DIP2C: variants seen among roughly 807,000 people sequenced by gnomAD.
The protein encoded by DIP2C is disco-interacting protein 2 homolog C.
In DIP2C, 33 loss-of-function variants were observed where a neutral mutation model predicts 192.4. That is an observed-to-expected ratio of 0.17 (90% CI 0.13 to 0.23). The LOEUF (loss-of-function observed/expected upper bound fraction) is 0.23, where lower values mean the gene tolerates loss of function less well. Ranked by LOEUF, DIP2C falls within the 10% of genes least tolerant of loss-of-function variation. The probability of loss-of-function intolerance (pLI) is 1.00; values close to 1 mark genes in which losing one functional copy is unlikely to be tolerated. For synonymous variants in DIP2C, 979 were observed against 864.1 expected, an observed-to-expected ratio of 1.13 and a Z score of -2.33; for missense variants, 1,537 against 2,110.1, an observed-to-expected ratio of 0.73 and a Z score of 5.32.
intron 1 of DIP2C, among the ~76,000 whole-genome samples, chr10:554,531 C>G (rs1376675811): frequency 6.6e-6 from 1 of 152,164 alleles, no homozygotes; most frequent in East Asian, 1.9e-4. Context: ...TTCACAAAAC[C>G]TTGGGCTGTG....
At chr10:329,661 C>G in intron 29 of DIP2C, 60 bp from the exon 30 acceptor site, 1 of 861,350 alleles carries the variant, frequency 1.2e-6, no homozygotes. Context: ...CTCAGCAAGG[C>G]TGGAGGGCTC....
chr10:577,400 C>A (rs771800419), intron 1 of DIP2C, among the ~76,000 whole-genome samples: 5 of 152,218 alleles, frequency 3.3e-5, no homozygotes, highest in Admixed American at 3.3e-4. Flanking sequence ...AGTACCCTTT[C>A]TATGTGGCCG....
chr10:606,453 G>GC (rs1293320934), intron 1 of DIP2C, among the ~76,000 whole-genome samples: 2 of 151,428 alleles, frequency 1.3e-5, no homozygotes, highest in East Asian at 2.0e-4. Context: ...GGGATCTCTC[G>GC]CCCCGCTGCG....
chr10:567,181 G>T (rs115328556), intron 1 of DIP2C, among the ~76,000 whole-genome samples: 3,021 of 140,230 alleles, frequency 0.022, 120 homozygotes, highest in African/African-American at 0.092. Flanking sequence ...GTTTTGGGGG[G>T]TTTTTTGTTT....
At chr10:625,225 G>A (rs967128762) in intron 1 of DIP2C, among the ~76,000 whole-genome samples, 2 of 152,134 alleles carry the variant, frequency 1.3e-5, no homozygotes, top group Admixed American at 1.3e-4. Flanking sequence ...TATCACGGCC[G>A]CAAGCCTCTG....
chr10:431,259 G>T (rs77850175), intron 4 of DIP2C, among the ~76,000 whole-genome samples: 2,473 of 152,264 alleles, frequency 0.016, 75 homozygotes, highest in African/African-American at 0.056. Context: ...TCGTTCGGAT[G>T]TTGGTTGGGA....
At chr10:565,394 C>A (rs1042268423) in intron 1 of DIP2C, among the ~76,000 whole-genome samples, 1 of 144,312 alleles carries the variant, frequency 6.9e-6, no homozygotes, top group African/African-American at 2.8e-5. Flanking sequence ...CACACACAAC[C>A]CCATAATGCA....
At chr10:565,634 G>A (rs1849425101) in intron 1 of DIP2C, among the ~76,000 whole-genome samples, 1 of 152,190 alleles carries the variant, frequency 6.6e-6, no homozygotes, top group Non-Finnish European at 1.5e-5. Flanking sequence ...ATGTAAAATG[G>A]TGTGTTTCCC....
intron 1 of DIP2C, chr10:650,639 C>G: frequency 1.6e-6 from 1 of 617,392 alleles, no homozygotes; most frequent in Middle Eastern, 4.2e-4. Context: ...GGGCCGGAGG[C>G]GGGGAAGCCA....
intron 1 of DIP2C, among the ~76,000 whole-genome samples, chr10:492,338 C>T (rs927018686): frequency 2.6e-5 from 4 of 152,236 alleles, no homozygotes; most frequent in African/African-American, 9.6e-5. Flanking sequence ...GCCCTGCCGC[C>T]TTGGCCACCC....
intron 32 of DIP2C, among the ~76,000 whole-genome samples, chr10:301,110 G>T (rs1956024883): frequency 6.6e-6 from 1 of 152,178 alleles, no homozygotes; most frequent in African/African-American, 2.4e-5. Flanking sequence ...GGGGTCGTAG[G>T]TGGCCTTGCC....
At chr10:344,282 G>A (rs1958306400) in intron 28 of DIP2C, among the ~76,000 whole-genome samples, 1 of 151,290 alleles carries the variant, frequency 6.6e-6, no homozygotes, top group South Asian at 2.1e-4. Context: ...GTTCTACTAA[G>A]AGGTGGACAG....
chr10:679,477 T>G (rs1314657315), intron 1 of DIP2C, among the ~76,000 whole-genome samples: 3 of 65,946 alleles, frequency 4.5e-5, no homozygotes, highest in African/African-American at 1.5e-4. Context: ...CCCACACCCC[T>G]GCTCCCCACA....
At chr10:568,786 A>AAAAAC (rs1849601626) in intron 1 of DIP2C, among the ~76,000 whole-genome samples, 1 of 146,174 alleles carries the variant, frequency 6.8e-6, no homozygotes, top group Non-Finnish European at 1.5e-5. Context: ...AAAAAAAAAA[A>AAAAAC]AAAAAAAAAA....
At chr10:459,458 C>T (rs1436240623) in intron 3 of DIP2C, among the ~76,000 whole-genome samples, 1 of 152,266 alleles carries the variant, frequency 6.6e-6, no homozygotes, top group Non-Finnish European at 1.5e-5. Context: ...CCAAGCCATG[C>T]ATGCTCACAC....
chr10:398,393 T>C (rs899887461), intron 10 of DIP2C, among the ~76,000 whole-genome samples: 8 of 152,224 alleles, frequency 5.3e-5, no homozygotes, highest in African/African-American at 1.9e-4. Flanking sequence ...AGAATCCACC[T>C]GTGACCTGGA....
At chr10:464,357 A>C (rs1330016690) in intron 3 of DIP2C, among the ~76,000 whole-genome samples, 3 of 152,310 alleles carry the variant, frequency 2.0e-5, no homozygotes, top group East Asian at 1.9e-4. Context: ...TCTCAAAAGA[A>C]GACATTTATG....
chr10:363,519 A>T lies in DIP2C; in HGVS notation c.2478-208T>A, dbSNP rs886993899. Among the ~76,000 whole-genome samples, 3 of 152,170 alleles carry T rather than the reference A, an allele frequency of 2.0e-5. No homozygotes were observed. The highest frequency in any genetic ancestry group is 7.2e-5 in the African/African-American group (3 of 41,446). On this transcript the variant is annotated intron_variant, in intron 20 of 36. Coordinates refer to ENST00000280886, the MANE Select transcript of DIP2C (RefSeq NM_014974.3). This position sits in a 1 kb window ranked among gnomAD's most constrained non-coding sequence, Gnocchi z 5.4. ...CCAGGGATGCTGCCGAGGCAAGGTC[A>T]CCCTGATCCCCACGGAGGCCACACA... is the stretch of plus-strand genomic sequence containing the variant.
intron 31 of DIP2C, among the ~76,000 whole-genome samples, chr10:311,356 G>A (rs568371073): frequency 5.3e-5 from 8 of 152,358 alleles, no homozygotes; most frequent in Admixed American, 4.6e-4. Context: ...GGAAGACAGC[G>A]TCGGCTACGC....
Sources: allele counts gnomAD v4.1 joint callset (sites outside exome capture counted in the v4.1 genomes callset), GRCh38; gene constraint gnomAD v4.1.1; non-coding constraint Gnocchi (gnomAD v3.1); transcripts MANE v1.5; gene names NCBI Gene and HGNC (gene_info 2026-07-23, HGNC 2026-07-21).